Variants in KCNIP4 observed in about 807,000 individuals in gnomAD.
KCNIP4 encodes the protein Kv channel-interacting protein 4.
KCNIP4 carries 12 observed loss-of-function variants against 34.0 expected under a neutral mutation model. The ratio of observed to expected loss-of-function variants is 0.35; its 90% CI spans 0.23 to 0.57. The LOEUF is 0.57. Among genes scored for constraint, KCNIP4 ranks in the 20% least tolerant of loss-of-function variants. The pLI, the probability that KCNIP4 is intolerant of heterozygous loss-of-function variation, is 0.83. For missense variants in KCNIP4, 238 were observed against 311.7 expected, an observed-to-expected ratio of 0.76 and a Z score of 1.78; for synonymous variants, 124 against 102.2, an observed-to-expected ratio of 1.21 and a Z score of -1.29.
At chr4:21,241,314 A>T (rs1016737191) in intron 1 of KCNIP4, among the ~76,000 whole-genome samples, 11 of 152,208 alleles carry the variant, frequency 7.2e-5, no homozygotes, top group Admixed American at 2.0e-4. Context: ...AGACTTAAAA[A>T]TTTTTTTTCT....
chr4:21,489,535 A>G (rs1254752264), intron 1 of KCNIP4, among the ~76,000 whole-genome samples: 2 of 152,134 alleles, frequency 1.3e-5, no homozygotes, highest in East Asian at 3.9e-4. Flanking sequence ...CCCATCATAA[A>G]TAGCTCACTA....
chr4:21,633,832 G>A (rs1312227994), intron 1 of KCNIP4, among the ~76,000 whole-genome samples: 4 of 151,422 alleles, frequency 2.6e-5, no homozygotes, highest in African/African-American at 9.7e-5. Context: ...TATTGTTTTT[G>A]AAAAAAATGT....
chr4:21,857,494 C>A (rs1171068552), intron 1 of KCNIP4, among the ~76,000 whole-genome samples: 3 of 152,074 alleles, frequency 2.0e-5, no homozygotes, highest in South Asian at 2.1e-4. Flanking sequence ...AGGAGCTACC[C>A]ACCAGGGTTT....
intron 1 of KCNIP4, among the ~76,000 whole-genome samples, chr4:21,663,654 A>G (rs1748619678): frequency 6.6e-6 from 1 of 152,024 alleles, no homozygotes; most frequent in African/African-American, 2.4e-5. Flanking sequence ...GGTGTCTAAT[A>G]CTCACTGATT....
chr4:21,455,706 CTT>C (rs200338093), intron 1 of KCNIP4, among the ~76,000 whole-genome samples: 1 of 147,618 alleles, frequency 6.8e-6, no homozygotes, highest in Non-Finnish European at 1.5e-5. Flanking sequence ...CTACAACACC[CTT>C]TTTTTTCTTT....
chr4:21,114,823 T>C (rs373571959), intron 1 of KCNIP4, among the ~76,000 whole-genome samples: 1 of 152,302 alleles, frequency 6.6e-6, no homozygotes, highest in Admixed American at 6.5e-5. Context: ...TGCAGAGACA[T>C]GACTTGAACC....
chr4:21,425,632 T>C (rs1251132819), intron 1 of KCNIP4, among the ~76,000 whole-genome samples: 2 of 152,232 alleles, frequency 1.3e-5, no homozygotes, highest in Admixed American at 6.5e-5. Context: ...CACATATATA[T>C]GTCATTAACC....
rs543246138 is a variant in KCNIP4, at chr4:20,783,071, A to G, written c.289-24181T>C. 5.9e-5 allele frequency among the ~76,000 whole-genome samples: 9 copies of G among 152,336 alleles called. No homozygotes were observed. The East Asian group carries it at 1.2e-3, about 20-fold the overall frequency. On this transcript the variant is annotated intron_variant, in intron 3 of 8. Coordinates refer to ENST00000382152, the MANE Select transcript of KCNIP4 (RefSeq NM_025221.6). Reference sequence around the variant, plus strand: ...CCACAAGTCTCTTTGTTAAAACATAACAAGAGTCACCTTTGCTCTAGTTCC... The same window carrying G: ...CCACAAGTCTCTTTGTTAAAACATAGCAAGAGTCACCTTTGCTCTAGTTCC...
chr4:21,234,586 C>A (rs946996336), intron 1 of KCNIP4, among the ~76,000 whole-genome samples: 7 of 134,634 alleles, frequency 5.2e-5, no homozygotes, highest in Non-Finnish European at 1.1e-4. Context: ...TTACATATAA[C>A]GTATATAATA....
intron 1 of KCNIP4, among the ~76,000 whole-genome samples, chr4:21,221,412 C>G (rs1226877040): frequency 6.6e-6 from 1 of 152,044 alleles, no homozygotes. Flanking sequence ...CTGGGGAGGC[C>G]TCAGGAAACT....
At chr4:21,504,265 C>G (rs1012652595) in intron 1 of KCNIP4, among the ~76,000 whole-genome samples, 2 of 151,648 alleles carry the variant, frequency 1.3e-5, no homozygotes, top group Non-Finnish European at 2.9e-5. Context: ...GTCAGGAGTT[C>G]GAGACCAGCC....
intron 1 of KCNIP4, among the ~76,000 whole-genome samples, chr4:21,636,202 G>T (rs1388722227): frequency 4.0e-5 from 6 of 151,022 alleles, no homozygotes; most frequent in Non-Finnish European, 7.4e-5. Flanking sequence ...TGACGAGTTA[G>T]TGGGTGCAGC....
At chr4:21,503,322 G>A (rs2109895991) in intron 1 of KCNIP4, among the ~76,000 whole-genome samples, 1 of 152,196 alleles carries the variant, frequency 6.6e-6, no homozygotes, top group South Asian at 2.1e-4. Flanking sequence ...CTATTGGGGA[G>A]GTAAAGGTGG....
At chr4:21,507,484 TG>T (rs1047050957) in intron 1 of KCNIP4, among the ~76,000 whole-genome samples, 1 of 152,080 alleles carries the variant, frequency 6.6e-6, no homozygotes, top group Non-Finnish European at 1.5e-5. Flanking sequence ...CTCGAACTCC[TG>T]AGCTCAGACA....
chr4:21,948,667 A>T lies in KCNIP4; in HGVS notation c.-36T>A. Reference sequence around the variant, plus strand: ...GCAGGGTGCAGAAGCGAGACTCGAGAGTCCACCGGCCAGGGGCGTCTGTCC... The same window carrying T: ...GCAGGGTGCAGAAGCGAGACTCGAGTGTCCACCGGCCAGGGGCGTCTGTCC... On this transcript the variant is annotated 5_prime_UTR_variant, in exon 1 of 9. Transcript: ENST00000382152. 5 of 1,603,590 alleles carry T rather than the reference A, an allele frequency of 3.1e-6. No homozygotes were observed. In the Middle Eastern group the frequency reaches 8.3e-4, roughly 266 times the overall value.
intron 3 of KCNIP4, among the ~76,000 whole-genome samples, chr4:20,832,940 G>A: frequency 6.6e-6 from 1 of 152,196 alleles, no homozygotes; most frequent in Middle Eastern, 3.4e-3. Context: ...TTTATTATTT[G>A]GAGATTATAT....
chr4:21,198,147 T>A (rs1333927131), intron 1 of KCNIP4, among the ~76,000 whole-genome samples: 4 of 152,220 alleles, frequency 2.6e-5, no homozygotes, highest in Admixed American at 2.0e-4. Flanking sequence ...CAGACACTTG[T>A]CATTCCAAGA....
intron 1 of KCNIP4, among the ~76,000 whole-genome samples, chr4:21,090,475 A>G (rs1457819540): frequency 6.6e-6 from 1 of 152,222 alleles, no homozygotes; most frequent in Admixed American, 6.5e-5. Context: ...CCACATCCTC[A>G]TAACCATGTG....
At chr4:21,755,243 C>G (rs1717426186) in intron 1 of KCNIP4, among the ~76,000 whole-genome samples, 1 of 152,166 alleles carries the variant, frequency 6.6e-6, no homozygotes, top group Admixed American at 6.6e-5. Context: ...TCAACCTCAA[C>G]TTTCATATCT....
Sources: gnomAD v4.1 joint callset for allele counts (sites outside exome capture counted in the v4.1 genomes callset) on GRCh38, gnomAD v4.1.1 for gene constraint, MANE v1.5 for transcripts, NCBI Gene and HGNC (gene_info 2026-07-23, HGNC 2026-07-21) for gene names.